Variants in RRM2 observed in about 807,000 individuals in gnomAD.
The protein encoded by RRM2 is ribonucleotide reductase regulatory subunit M2, also known as ribonucleoside-diphosphate reductase subunit M2.
A neutral mutation model predicts 45.9 loss-of-function variants in RRM2; 6 were observed. That is an observed-to-expected ratio of 0.13 (90% CI 0.07 to 0.26). The LOEUF is 0.26. Among genes scored for constraint, RRM2 ranks in the 10% least tolerant of loss-of-function variants. RRM2 has a pLI of 1.00. For missense variants in RRM2, 343 were observed against 489.5 expected (o/e 0.70, Z 2.82); for synonymous variants, 177 against 173.0 (o/e 1.02, Z -0.18).
chr2:10,163,327 G>A (rs897024103), intron 3 of RRM2, among the ~76,000 whole-genome samples: 5 of 139,620 alleles, frequency 3.6e-5, no homozygotes, highest in African/African-American at 1.0e-4. Context: ...GGGAAAAGAC[G>A]GGCGGGGGGG....
chr2:10,205,042 C>G lies in RRM2; in HGVS notation n.483-5269C>G, dbSNP rs532313050. On this transcript the variant is annotated intron_variant and non_coding_transcript_variant, in intron 3 of 3. Transcript: ENST00000381786. The surrounding 1 kb of genome is among the most constrained non-coding windows in gnomAD (Gnocchi z 4.8). ...ACAAGCAACCCCACGTGGTCTGCTT[C>G]GAATCCAGCAAACTTTTGTTTTCAG... Among the ~76,000 whole-genome samples the G allele has an allele frequency of 6.6e-6, 1 of 152,204 alleles. No individual in the cohort carries two copies. The highest frequency in any genetic ancestry group is 1.5e-5 in the Non-Finnish European group (1 of 68,032).
downstream of RRM2, among the ~76,000 whole-genome samples, chr2:10,135,747 C>G (rs1235246334): frequency 1.3e-5 from 2 of 152,004 alleles, no homozygotes; most frequent in African/African-American, 2.4e-5. Flanking sequence ...GACTTTAAAG[C>G]AAAAAGCCCA....
intron 3 of RRM2, among the ~76,000 whole-genome samples, chr2:10,194,457 GGT>G (rs138402140): frequency 3.3e-5 from 5 of 152,196 alleles, no homozygotes; most frequent in Non-Finnish European, 7.4e-5. Context: ...AATGGGATGG[GGT>G]GTGTGTGTGA....
rs945300448 is a variant in RRM2 at position 10,172,917 on chromosome 2, G to A, written n.482+30542G>A. On this transcript the variant is annotated intron_variant and non_coding_transcript_variant, in intron 3 of 3. Transcript: ENST00000381786. This position sits in a 1 kb window ranked among gnomAD's most constrained non-coding sequence, Gnocchi z 4.9. Reference sequence around the variant, plus strand: ...ACCCCCTGAGTCCCGGGGAACAGTGGCAAATCAGCACTCAGGAAATATCTG... The same window carrying A: ...ACCCCCTGAGTCCCGGGGAACAGTGACAAATCAGCACTCAGGAAATATCTG... Among the ~76,000 whole-genome samples the A allele has an allele frequency of 2.6e-5, 4 of 152,208 alleles. No individual in the cohort carries two copies. Among genetic ancestry groups the A allele is most frequent in the African/African-American group, 9.6e-5 (4 of 41,452 alleles).
chr2:10,170,943 T>C (rs923269344), intron 3 of RRM2, among the ~76,000 whole-genome samples: 39 of 152,212 alleles, frequency 2.6e-4, no homozygotes, highest in African/African-American at 8.9e-4. Context: ...GAGAGCTAAG[T>C]GACAGAGAGG....
chr2:10,181,954 T>A, intron 3 of RRM2, among the ~76,000 whole-genome samples: 1 of 151,310 alleles, frequency 6.6e-6, no homozygotes, highest in Non-Finnish European at 1.5e-5. Flanking sequence ...ATTGTAGAGA[T>A]AAAGTCTCAC....
chr2:10,170,809 GC>G (rs1663786567), intron 3 of RRM2, among the ~76,000 whole-genome samples: 1 of 151,276 alleles, frequency 6.6e-6, no homozygotes, highest in African/African-American at 2.4e-5. Context: ...CCACGCCCCC[GC>G]CCCCAGCCAC....
Position 10,146,433 on chromosome 2 carries a change from C to A in RRM2, n.482+4058C>A, listed in dbSNP as rs560364148. On this transcript the variant is annotated intron_variant and non_coding_transcript_variant, in intron 3 of 3. Transcript: ENST00000381786. ...ATTCTCATGTGCAGCTAGGGTGGGG[C>A]GCCTCTGCTCTGCGGAATAGGGAAG... 3.5e-4 allele frequency among the ~76,000 whole-genome samples: 53 copies of A among 152,314 alleles called. 1 individual carries two copies. The highest frequency in any genetic ancestry group is 1.2e-3 in the African/African-American group (49 of 41,560).
In RRM2 at chr2:10,193,146, C is replaced by T. The variant is rs142848922; in HGVS notation, n.483-17165C>T. Among the ~76,000 whole-genome samples the T allele has an allele frequency of 1.4e-4, 21 of 152,248 alleles. No homozygotes were observed. In the East Asian group the frequency reaches 3.7e-3, roughly 27 times the overall value. ...CCTCCTTGTTTTGCCAGCCCTCCCC[C>T]GTCGGTTCCTTGCTTTTTCTACCCA... is the stretch of plus-strand genomic sequence containing the variant. On this transcript the variant is annotated intron_variant and non_coding_transcript_variant, in intron 3 of 3. Transcript: ENST00000381786.
chr2:10,197,292 T>C (rs1572532151), intron 3 of RRM2, among the ~76,000 whole-genome samples: 1 of 152,174 alleles, frequency 6.6e-6, no homozygotes, highest in African/African-American at 2.4e-5. Context: ...GGAGGCTGGG[T>C]CTGCAGCTGC....
intron 3 of RRM2, among the ~76,000 whole-genome samples, chr2:10,186,616 G>A (rs1298321298): frequency 6.6e-6 from 1 of 152,184 alleles, no homozygotes; most frequent in Non-Finnish European, 1.5e-5. Flanking sequence ...TAACCCCTCT[G>A]TGCCTCTGCT....
intron 3 of RRM2, among the ~76,000 whole-genome samples, chr2:10,154,607 G>A (rs1189648435): frequency 6.6e-6 from 1 of 151,244 alleles, no homozygotes; most frequent in Non-Finnish European, 1.5e-5. Flanking sequence ...GAGGTGGGAA[G>A]AAAGGAGGAG....
upstream of RRM2, among the ~76,000 whole-genome samples, chr2:10,139,672 C>T (rs115170289): frequency 6.7e-3 from 1,025 of 152,286 alleles, 14 homozygotes; most frequent in African/African-American, 0.023. Context: ...TCCCAGCCTT[C>T]GGTTTTGCTC....
At chr2:10,193,547 G>A (rs1347997385) in intron 3 of RRM2, among the ~76,000 whole-genome samples, 1 of 152,256 alleles carries the variant, frequency 6.6e-6, no homozygotes, top group Non-Finnish European at 1.5e-5. Flanking sequence ...GCCTGCAGGA[G>A]CCTGTCCTGC....
At chr2:10,197,866 C>T (rs1410530709) in intron 3 of RRM2, among the ~76,000 whole-genome samples, 2 of 152,146 alleles carry the variant, frequency 1.3e-5, no homozygotes, top group African/African-American at 4.8e-5. Context: ...GAAGGTCACT[C>T]AGACTTTCAG....
intron 3 of RRM2, among the ~76,000 whole-genome samples, chr2:10,178,982 T>A (rs1456468331): frequency 6.6e-6 from 1 of 152,162 alleles, no homozygotes; most frequent in Non-Finnish European, 1.5e-5. Context: ...CTTCCCAGCC[T>A]CCAGAGCTGT....
downstream of RRM2, among the ~76,000 whole-genome samples, chr2:10,132,704 C>G (rs1662923338): frequency 1.3e-5 from 2 of 152,188 alleles, no homozygotes; most frequent in Non-Finnish European, 2.9e-5. Context: ...TAGTAGAGAG[C>G]TTTGCCTTTA....
upstream of RRM2, among the ~76,000 whole-genome samples, chr2:10,137,636 TCA>T (rs575740802): frequency 2.6e-5 from 4 of 152,336 alleles, no homozygotes; most frequent in African/African-American, 9.6e-5. Context: ...GGACAGGTAC[TCA>T]CATGCCCAAA....
Position 10,126,615 on chromosome 2 carries a change from T to G in RRM2, c.570-260T>G, listed in dbSNP as rs1321575009. On this transcript the variant is annotated intron_variant, in intron 5 of 9. Coordinates refer to ENST00000304567, the MANE Select transcript of RRM2 (RefSeq NM_001034.4). ...CTGTACTGGACTATGTTTTACTGTC[T>G]GTAGACCCTGAAGCTCAATATGAAC... 1.4e-5 allele frequency: 7 copies of G among 494,018 alleles called. No individual in the cohort carries two copies. The East Asian group carries it at 2.3e-4, about 16-fold the overall frequency. The allele number at this position is 494,018 out of a possible 1,614,324, so 30.6% of individuals were successfully genotyped here. A position where few individuals can be genotyped will look rare whatever the true frequency, so the allele number is the denominator to read the frequency against.
Sources: allele counts gnomAD v4.1 joint callset (sites outside exome capture counted in the v4.1 genomes callset), GRCh38; gene constraint gnomAD v4.1.1; non-coding constraint Gnocchi (gnomAD v3.1); transcripts MANE v1.5; gene names NCBI Gene and HGNC (gene_info 2026-07-23, HGNC 2026-07-21).